The following E2F6 variants were observed in gnomAD, a reference collection of about 807,000 sequenced individuals.
E2F6 encodes E2F transcription factor 6.
In E2F6, 19 loss-of-function variants were observed where a neutral mutation model predicts 31.5. The observed-to-expected ratio is 0.60, with a 90% CI of 0.42 to 0.89. The LOEUF (loss-of-function observed/expected upper bound fraction) is 0.89. Among genes scored for constraint, E2F6 ranks in the 40% least tolerant of loss-of-function variants. E2F6 has a pLI of 0.00. For missense variants in E2F6, 269 were observed against 341.6 expected (o/e 0.79, Z 1.67); for synonymous variants, 121 against 127.7 (o/e 0.95, Z 0.36).
rs1278934801 is a variant in E2F6, at chr2:11,447,890, A to G, written c.652-116T>C. 9 of 1,202,922 alleles carry G rather than the reference A, an allele frequency of 7.5e-6. No individual in the cohort carries two copies. In the South Asian group the frequency reaches 1.1e-4, roughly 15 times the overall value. The allele number at this position is 1,202,922 out of a possible 1,614,324, so 74.5% of individuals were successfully genotyped here. On this transcript the variant is annotated intron_variant, in intron 5 of 6. Transcript: ENST00000381525. Reference sequence around the variant, plus strand: ...AGAAAATCACCTTAGCTGTAGTCACATTACAGCACTGGCCAATTCCCATGC... The same window carrying G: ...AGAAAATCACCTTAGCTGTAGTCACGTTACAGCACTGGCCAATTCCCATGC...
intron 3 of E2F6, among the ~76,000 whole-genome samples, 171 bp from the exon 4 acceptor site, chr2:11,451,977 C>T (rs1420295903): frequency 6.6e-6 from 1 of 152,208 alleles, no homozygotes; most frequent in Non-Finnish European, 1.5e-5. Context: ...ATTATTCCTT[C>T]TGTACATAAA....
intron 2 of E2F6, 184 bp downstream of exon 2, chr2:11,456,995 A>AT: frequency 1.7e-6 from 1 of 571,754 alleles, no homozygotes. Flanking sequence ...ATAAACTGGC[A>AT]TTTGTGCACA....
intron 2 of E2F6, 80 bp from the exon 3 acceptor site, chr2:11,453,878 T>C: frequency 8.0e-7 from 1 of 1,255,774 alleles, no homozygotes; most frequent in Admixed American, 2.2e-5. Flanking sequence ...TGTTTCCTCT[T>C]GATCAGATAG....
At chr2:11,450,784 T>C (rs1195847392) in intron 4 of E2F6, among the ~76,000 whole-genome samples, 4 of 152,176 alleles carry the variant, frequency 2.6e-5, no homozygotes, top group Non-Finnish European at 4.4e-5. Context: ...TTGGTGCTTA[T>C]TTTTTCTTTT....
chr2:11,458,346 AAAC>A (rs1487976319), intron 1 of E2F6: 1 of 1,551,800 alleles, frequency 6.4e-7, no homozygotes, highest in South Asian at 1.2e-5. Flanking sequence ...TTGCCTGAAT[AAAC>A]AACTGTGGGG....
intron 1 of E2F6, among the ~76,000 whole-genome samples, chr2:11,457,640 A>C (rs1372833465): frequency 2.0e-5 from 3 of 152,192 alleles, no homozygotes; most frequent in Non-Finnish European, 4.4e-5. Context: ...AAAACAAAAC[A>C]AAAAAACATG....
Position 11,446,375 on chromosome 2 carries a change from C to T in E2F6, c.*102G>A. On this transcript the variant is annotated 3_prime_UTR_variant, in exon 7 of 7. Transcript: ENST00000381525. The stretch of plus-strand genomic sequence containing the variant: ...ATGATGCCGCTACTGAGAACGAGAG[C>T]ACTTCATGGATAATTTATTGCTCTG... 1 of 838,980 alleles carries T rather than the reference C, an allele frequency of 1.2e-6. No individual in the cohort carries two copies. The highest frequency in any genetic ancestry group is 2.0e-6 in the Non-Finnish European group (1 of 505,366). 52.0% of individuals were successfully genotyped at this position (838,980 alleles called of 1,614,324 possible).
At chr2:11,455,538 C>G (rs1558457793) in intron 2 of E2F6, 1 of 1,039,488 alleles carries the variant, frequency 9.6e-7, no homozygotes, top group Non-Finnish European at 1.3e-6. Flanking sequence ...TAGAGGGTCA[C>G]AATTCTACAA....
intron 5 of E2F6, 48 bp downstream of exon 5, chr2:11,449,964 C>A (rs759073236): frequency 1.4e-6 from 2 of 1,434,176 alleles, no homozygotes; most frequent in South Asian, 2.3e-5. Flanking sequence ...CCTAAGCAGT[C>A]GGCCCTCATC....
At chr2:11,461,153 GGAT>G (rs1671754843) in intron 1 of E2F6, among the ~76,000 whole-genome samples, 1 of 152,068 alleles carries the variant, frequency 6.6e-6, no homozygotes, top group Non-Finnish European at 1.5e-5. Context: ...GGGGTGGAAA[GGAT>G]GATACCACTG....
chr2:11,462,288 C>T (rs988824205), intron 1 of E2F6, among the ~76,000 whole-genome samples: 6 of 152,116 alleles, frequency 3.9e-5, no homozygotes, highest in African/African-American at 1.4e-4. Flanking sequence ...TGCCTAAAAC[C>T]GCAAACAGTA....
In E2F6 at chr2:11,453,706, T is replaced by C; in HGVS notation, c.256A>G (p.Ile86Val). Residue 86 changes from isoleucine (I) to valine (V), a missense_variant, in exon 3 of 7, where the codon ATT (isoleucine) becomes GTT (valine). Transcript: ENST00000381525. ...MDLVRSAPGG[I>V]LDLNKVATKL... ...GTTGCAACCTTGTTTAAGTCAAGAA[T>C]ACCCCCGGGAGCAGATCTGACAAGA... 1 of 1,614,196 alleles carries C rather than the reference T, an allele frequency of 6.2e-7. No homozygotes were observed. Among genetic ancestry groups the C allele is most frequent in the Non-Finnish European group, 8.5e-7 (1 of 1,180,034 alleles).
At chr2:11,460,243 T>C (rs1448073391) in intron 1 of E2F6, among the ~76,000 whole-genome samples, 2 of 152,240 alleles carry the variant, frequency 1.3e-5, no homozygotes, top group Non-Finnish European at 2.9e-5. Context: ...ACACCAATTC[T>C]GTTTTGGGGA....
chr2:11,458,388 C>T, intron 1 of E2F6: 2 of 1,547,918 alleles, frequency 1.3e-6, no homozygotes, highest in Non-Finnish European at 1.7e-6. Context: ...GATTGTGGTA[C>T]CGGAAATGAA....
intron 1 of E2F6, among the ~76,000 whole-genome samples, chr2:11,462,907 G>C (rs1671874313): frequency 6.6e-6 from 1 of 152,208 alleles, no homozygotes; most frequent in East Asian, 1.9e-4. Context: ...TGAAACCTCA[G>C]ATGAGAGGGG....
intron 6 of E2F6, among the ~76,000 whole-genome samples, chr2:11,447,357 T>G (rs973352491): frequency 1.3e-5 from 2 of 152,164 alleles, no homozygotes; most frequent in African/African-American, 4.8e-5. Flanking sequence ...GAGCTGCTGT[T>G]TGACTGAAAG....
At chr2:11,455,811 G>A (rs1218492786) in intron 2 of E2F6, among the ~76,000 whole-genome samples, 1 of 152,176 alleles carries the variant, frequency 6.6e-6, no homozygotes, top group Non-Finnish European at 1.5e-5. Flanking sequence ...TGCTAAGAGA[G>A]GTATTCAAAG....
In E2F6 at chr2:11,451,793, T is replaced by G. The variant is rs779328928; in HGVS notation, c.394A>C (p.Ser132Arg). ...NHIRWIGSDL[S>R]NFGAVPQQKK... ...TGTTGGGGAACTGCTCCAAAATTGC[T>G]AAGATCAGATCCTCTTTAGAAGAAA... The change falls in exon 4 of 7, where the codon AGC (serine) becomes CGC (arginine). Residue 132 changes from serine to arginine, a missense_variant. Ser to Arg is a moderately radical substitution (Grantham distance 110). Transcript: ENST00000381525. The G allele has an allele frequency of 2.5e-6, 4 of 1,608,592 alleles. No individual in the cohort carries two copies. The highest frequency in any genetic ancestry group is 3.4e-6 in the Non-Finnish European group (4 of 1,176,636).
At chr2:11,464,506 G>A (rs1180386793) in intron 1 of E2F6, among the ~76,000 whole-genome samples, 1 of 115,166 alleles carries the variant, frequency 8.7e-6, no homozygotes, top group African/African-American at 3.7e-5. Flanking sequence ...GACAGAGCAA[G>A]ACTTCGTCAC....
Sources: gnomAD v4.1 joint callset for allele counts (sites outside exome capture counted in the v4.1 genomes callset) on GRCh38, gnomAD v4.1.1 for gene constraint, MANE v1.5 for transcripts, NCBI Gene and HGNC (gene_info 2026-07-23, HGNC 2026-07-21) for gene names.